USP47: variants seen among roughly 807,000 people sequenced by gnomAD.
The protein encoded by USP47 is ubiquitin specific peptidase 47, also known as ubiquitin carboxyl-terminal hydrolase 47.
In USP47, 35 loss-of-function variants were observed where a neutral mutation model predicts 165.1. That is an observed-to-expected ratio of 0.21 (90% CI 0.16 to 0.28). The LOEUF is 0.28. Ranked by LOEUF, USP47 falls within the 10% of genes least tolerant of loss-of-function variation. The pLI, the probability that USP47 is intolerant of heterozygous loss-of-function variation, is 1.00. For synonymous variants in USP47, 531 were observed against 544.5 expected (o/e 0.98, Z 0.35); for missense variants, 1,277 against 1,607.4 (o/e 0.79, Z 3.52).
Position 11,842,250 on chromosome 11 carries a change from C to T in USP47, c.39+26C>T, listed in dbSNP as rs979912679. Reference sequence around the variant, plus strand: ...GTGAGGGGCCCCAGAGGAGGTTAGGCCTTAGGCCTGCGGCCGCTCGAGGCA... The same window carrying T: ...GTGAGGGGCCCCAGAGGAGGTTAGGTCTTAGGCCTGCGGCCGCTCGAGGCA... On this transcript the variant is annotated intron_variant, in intron 1 of 27. Transcript: ENST00000527733. 6 of 1,550,490 alleles carry T rather than the reference C, an allele frequency of 3.9e-6. No individual in the cohort carries two copies. The African/African-American group carries it at 4.1e-5, about 11-fold the overall frequency.
intron 5 of USP47, among the ~76,000 whole-genome samples, chr11:11,901,919 A>G (rs920720263): frequency 6.7e-6 from 1 of 150,088 alleles, no homozygotes; most frequent in African/African-American, 2.5e-5. Flanking sequence ...AGATCATCCC[A>G]CTGCACTCCA....
At chr11:11,892,218 A>C (rs1187416404) in intron 4 of USP47, 112 bp downstream of exon 4, 1 of 1,215,270 alleles carries the variant, frequency 8.2e-7, no homozygotes, top group Non-Finnish European at 1.1e-6. Flanking sequence ...GACCTAGAGC[A>C]GGAGTACTAG....
intron 8 of USP47, among the ~76,000 whole-genome samples, chr11:11,912,438 GAC>G (rs560885529): frequency 6.6e-6 from 1 of 152,040 alleles, no homozygotes; most frequent in Non-Finnish European, 1.5e-5. Flanking sequence ...ATATAAATTT[GAC>G]AACTTAGATA....
At chr11:11,945,606 A>C (rs1311035433) in intron 20 of USP47, among the ~76,000 whole-genome samples, 1 of 152,006 alleles carries the variant, frequency 6.6e-6, no homozygotes, top group Non-Finnish European at 1.5e-5. Context: ...TTTACACTGA[A>C]ATTTCTCCGT....
At chr11:11,952,485 T>C (rs1179753596) in intron 24 of USP47, 2 of 236,860 alleles carry the variant, frequency 8.4e-6, no homozygotes, top group African/African-American at 4.6e-5. Flanking sequence ...TAATGCAGTG[T>C]TCAACAGGAG....
At chr11:11,949,404 A>G (rs947978025) in intron 22 of USP47, among the ~76,000 whole-genome samples, 1 of 152,172 alleles carries the variant, frequency 6.6e-6, no homozygotes, top group Non-Finnish European at 1.5e-5. Flanking sequence ...CTTTATTCAT[A>G]TAAGATATTT....
At chr11:11,903,128 ATTC>A (rs1852334343) in intron 6 of USP47, 132 bp from the exon 7 acceptor site, 3 of 866,202 alleles carry the variant, frequency 3.5e-6, no homozygotes, top group Admixed American at 3.2e-5. Flanking sequence ...TGTCATGTAT[ATTC>A]TTATGTTCTT....
At position 11,948,005 on chromosome 11, in the gene USP47, C is replaced by T. The variant is rs773291662; in HGVS notation, c.3152C>T (p.Pro1051Leu). 4 of 1,613,440 alleles carry T rather than the reference C, an allele frequency of 2.5e-6. No homozygotes were observed. Among genetic ancestry groups the T allele is most frequent in the East Asian group, 2.2e-5 (1 of 44,852 alleles). ...GCAGCTTTCAAACAACATTTAGAGC[C>T]CTTTGTTGGAGTTTTGTCCTCTCAC... The part of the protein sequence containing the change: ...TLAAFKQHLE[P>L]FVGVLSSHFK... Residue 1051 changes from proline to leucine, a missense_variant, in exon 21 of 28, where the codon CCC becomes CTC. Around this residue, in one of 4 missense-constraint regions of USP47, gnomAD observed 909 missense variants for 1,068.1 expected, o/e 0.85. Transcript: ENST00000527733.
chr11:11,954,751 G>A (rs1045851796), intron 25 of USP47, 146 bp from the exon 26 acceptor site: 4 of 839,836 alleles, frequency 4.8e-6, no homozygotes, highest in Admixed American at 2.8e-5. Flanking sequence ...GTATTTGCAG[G>A]GTGGCCGCTT....
intron 6 of USP47, 41 bp downstream of exon 6, chr11:11,902,901 AC>A: frequency 6.7e-7 from 1 of 1,486,584 alleles, no homozygotes; most frequent in Non-Finnish European, 8.9e-7. Flanking sequence ...TAATATTCAA[AC>A]AAATTCTAGA....
intron 1 of USP47, among the ~76,000 whole-genome samples, chr11:11,847,247 TC>T (rs1449965742): frequency 1.3e-5 from 2 of 152,000 alleles, no homozygotes; most frequent in Admixed American, 1.3e-4. Flanking sequence ...ATTGAGATGA[TC>T]TGATTGTAGT....
intron 8 of USP47, among the ~76,000 whole-genome samples, chr11:11,914,075 T>TA (rs1853227808): frequency 1.3e-5 from 2 of 152,032 alleles, no homozygotes; most frequent in South Asian, 4.1e-4. Flanking sequence ...CTAGAATAGC[T>TA]AAGAGTTTTC....
chr11:11,907,964 T>A (rs1852686438), intron 8 of USP47, among the ~76,000 whole-genome samples: 1 of 152,108 alleles, frequency 6.6e-6, no homozygotes, highest in African/African-American at 2.4e-5. Context: ...GGTGCATGCC[T>A]GTATTCCCAG....
intron 8 of USP47, among the ~76,000 whole-genome samples, chr11:11,911,291 A>T (rs1243872088): frequency 6.6e-6 from 1 of 152,222 alleles, no homozygotes; most frequent in African/African-American, 2.4e-5. Context: ...CAAAGGTGTA[A>T]CACTTGTGTC....
At chr11:11,855,276 T>C (rs1462399654) in intron 1 of USP47, among the ~76,000 whole-genome samples, 1 of 152,218 alleles carries the variant, frequency 6.6e-6, no homozygotes, top group African/African-American at 2.4e-5. Context: ...CGAAATGTTA[T>C]TTTAAAGCAG....
chr11:11,899,056 C>G (rs951737070), intron 5 of USP47, among the ~76,000 whole-genome samples: 5 of 152,066 alleles, frequency 3.3e-5, no homozygotes, highest in Non-Finnish European at 5.9e-5. Context: ...TAGTAGATGC[C>G]AGGATTCACT....
intron 7 of USP47, among the ~76,000 whole-genome samples, chr11:11,905,154 G>A (rs901428741): frequency 6.6e-6 from 1 of 151,358 alleles, no homozygotes; most frequent in African/African-American, 2.4e-5. Context: ...ACTCAAATTA[G>A]TGTTAATCTA....
Position 11,961,680 on chromosome 11 carries a change from C to T in USP47, c.*5505C>T, listed in dbSNP as rs1013381791. ...AGCTCCATTCTTGTTTGCCACTCTC[C>T]TTTTGTCAATTGGGAAAAAATTCCA... On this transcript the variant is annotated 3_prime_UTR_variant, in exon 28 of 28. Coordinates refer to ENST00000527733, the MANE Select transcript of USP47 (RefSeq NM_001282659.2). Among the ~76,000 whole-genome samples, 3 of 152,238 alleles carry T rather than the reference C, an allele frequency of 2.0e-5. No homozygotes were observed. The highest frequency in any genetic ancestry group is 4.8e-5 in the African/African-American group (2 of 41,462).
At chr11:11,940,283 T>C in intron 18 of USP47, 146 bp from the exon 19 acceptor site, 1 of 749,810 alleles carries the variant, frequency 1.3e-6, no homozygotes, top group Non-Finnish European at 1.9e-6. Context: ...CCTTCAATTA[T>C]TCAAAAATTT....
Sources: gnomAD v4.1 joint callset for allele counts (sites outside exome capture counted in the v4.1 genomes callset) on GRCh38, gnomAD v4.1.1 for gene constraint, gnomAD v4.1.1 regional missense constraint, MANE v1.5 for transcripts, NCBI Gene and HGNC (gene_info 2026-07-23, HGNC 2026-07-21) for gene names.